The following ANO6 variants were observed in gnomAD, a reference collection of about 807,000 sequenced individuals.
ANO6 encodes the protein anoctamin-6.
Under a neutral mutation model 117.5 loss-of-function variants are expected in ANO6, and 106 were observed. The observed-to-expected ratio is 0.90, with a 90% confidence interval of 0.77 to 1.06. The LOEUF is 1.06. Ranked by LOEUF, ANO6 falls within the 50% of genes least tolerant of loss-of-function variation. The pLI is 0.00. For synonymous variants in ANO6, 367 were observed against 385.1 expected (o/e 0.95, Z 0.55); for missense variants, 955 against 1,121.1 (o/e 0.85, Z 2.12).
At chr12:45,439,764 T>C in exon 20 of ANO6, 3 of 1,550,902 alleles carry the variant, frequency 1.9e-6, no homozygotes, top group Non-Finnish European at 2.6e-6. Context: ...GTATGTGTTA[T>C]AGGTTTGTCG....
At chr12:45,434,017 A>C (rs1156270928), downstream of ANO6, among the ~76,000 whole-genome samples, 1 of 152,218 alleles carries the variant, frequency 6.6e-6, no homozygotes, top group Non-Finnish European at 1.5e-5. Flanking sequence ...ACAGTTCAGC[A>C]CATGGGATCC....
At chr12:45,350,600 A>G in intron 6 of ANO6, 59 bp from the exon 7 acceptor site, 5 of 1,319,414 alleles carry the variant, frequency 3.8e-6, no homozygotes, top group South Asian at 1.2e-5. Context: ...CACATTTAAG[A>G]AGCAGATTTG....
intron 1 of ANO6, among the ~76,000 whole-genome samples, chr12:45,268,031 G>C (rs561967425): frequency 3.4e-4 from 52 of 152,268 alleles, no homozygotes; most frequent in African/African-American, 1.2e-3. Flanking sequence ...AAAAAGGCCA[G>C]GTGCATTTTT....
At chr12:45,439,665 T>G in intron 19 of ANO6, 1 of 1,315,226 alleles carries the variant, frequency 7.6e-7, no homozygotes, top group Non-Finnish European at 9.7e-7. Context: ...TTTTTTTTTT[T>G]TTGAGACAGT....
intron 1 of ANO6, among the ~76,000 whole-genome samples, chr12:45,248,428 CT>C (rs35185612): frequency 0.013 from 1,562 of 120,830 alleles, 16 homozygotes; most frequent in African/African-American, 0.035. Context: ...AAAAAGTAGA[CT>C]TTTTTTTTTT....
chr12:45,286,911 C>A (rs1330601391), intron 1 of ANO6, among the ~76,000 whole-genome samples: 4 of 152,078 alleles, frequency 2.6e-5, no homozygotes, highest in Non-Finnish European at 5.9e-5. Flanking sequence ...AGTGGTAGGT[C>A]TGGGATTTGC....
rs951732957 is a variant in ANO6, at chr12:45,320,555, G to T, written c.151-10740G>T. On this transcript the variant is annotated intron_variant, in intron 2 of 19. Transcript: ENST00000320560. ...TACTTCCAACTACGTGGTCAGTTTT[G>T]GAATAGGTGCGGTGTGGTGCTGAGA... Among the ~76,000 whole-genome samples, 3 of 152,070 alleles carry T rather than the reference G, an allele frequency of 2.0e-5. No homozygotes were observed. In the East Asian group the frequency reaches 5.8e-4, roughly 29 times the overall value.
At chr12:45,353,911 A>T (rs1282863322) in intron 7 of ANO6, among the ~76,000 whole-genome samples, 1 of 143,154 alleles carries the variant, frequency 7.0e-6, no homozygotes, top group African/African-American at 3.0e-5. Context: ...ACGCATTAGA[A>T]AAATGAAGTT....
chr12:45,321,475 CAT>C (rs1451716355), intron 2 of ANO6, among the ~76,000 whole-genome samples: 12 of 152,070 alleles, frequency 7.9e-5, no homozygotes, highest in East Asian at 3.9e-4. Flanking sequence ...AAAAAAATCA[CAT>C]GTGTTAACAT....
At chr12:45,225,564 C>A (rs1947469521) in intron 1 of ANO6, among the ~76,000 whole-genome samples, 1 of 151,934 alleles carries the variant, frequency 6.6e-6, no homozygotes, top group Non-Finnish European at 1.5e-5. Context: ...TCTGGGCTCA[C>A]TGCAAGCTCC....
intron 1 of ANO6, among the ~76,000 whole-genome samples, chr12:45,230,441 A>G (rs1052845598): frequency 1.3e-5 from 2 of 148,968 alleles, no homozygotes; most frequent in Non-Finnish European, 3.0e-5. Flanking sequence ...AATATTTAAC[A>G]TATATAAAAT....
chr12:45,326,322 CCATTTACTTATATAAAACA>C (rs1331474860), intron 2 of ANO6, among the ~76,000 whole-genome samples: 5 of 152,110 alleles, frequency 3.3e-5, no homozygotes, highest in African/African-American at 1.2e-4. Flanking sequence ...CTAGTTATAG[CCATTTACTTATATAAAACA>C]CAAGACTGTT....
Position 45,216,235 on chromosome 12 carries a change from G to A in ANO6, c.-87G>A. ...AAGCGACACACGCCCCGCGGTCCCCGATCCGGCCCCTGGGAGAGCCGCGCC... is the reference window on the plus strand; with the variant it reads ...AAGCGACACACGCCCCGCGGTCCCCAATCCGGCCCCTGGGAGAGCCGCGCC... On this transcript the variant is annotated 5_prime_UTR_variant, in exon 1 of 20. Transcript: ENST00000320560. 1 of 1,471,090 alleles carries A rather than the reference G, an allele frequency of 6.8e-7. No homozygotes were observed. Among genetic ancestry groups the A allele is most frequent in the Non-Finnish European group, 9.3e-7 (1 of 1,076,376 alleles). 91.1% of individuals were successfully genotyped at this position (1,471,090 alleles called of 1,614,324 possible). A position where few individuals can be genotyped will look rare whatever the true frequency, so the allele number is the denominator to read the frequency against.
chr12:45,356,474 A>G (rs1565715044), intron 7 of ANO6, among the ~76,000 whole-genome samples: 1 of 152,240 alleles, frequency 6.6e-6, no homozygotes, highest in Non-Finnish European at 1.5e-5. Flanking sequence ...TGGAAGTCTT[A>G]CCAATAACAT....
intron 7 of ANO6, among the ~76,000 whole-genome samples, chr12:45,357,061 C>T (rs886698332): frequency 6.6e-6 from 1 of 152,182 alleles, no homozygotes; most frequent in Non-Finnish European, 1.5e-5. Context: ...TTTTAATGTA[C>T]TTTCACCAGG....
At chr12:45,250,155 T>C (rs188379014) in intron 1 of ANO6, among the ~76,000 whole-genome samples, 1 of 152,194 alleles carries the variant, frequency 6.6e-6, no homozygotes, top group Non-Finnish European at 1.5e-5. Flanking sequence ...AAACAATGAC[T>C]GTATAAGTAC....
At chr12:45,355,702 T>A (rs1941393706) in intron 7 of ANO6, among the ~76,000 whole-genome samples, 1 of 152,192 alleles carries the variant, frequency 6.6e-6, no homozygotes, top group African/African-American at 2.4e-5. Context: ...ATCTCCCGAT[T>A]CCACCCTCAG....
chr12:45,321,703 TGTCA>T (rs1477784343), intron 2 of ANO6, among the ~76,000 whole-genome samples: 1 of 152,128 alleles, frequency 6.6e-6, no homozygotes, highest in Non-Finnish European at 1.5e-5. Flanking sequence ...CCAAGTTTTG[TGTCA>T]GTCATCTGTC....
At chr12:45,432,415 A>G (rs1943655810), downstream of ANO6, 1 of 570,092 alleles carries the variant, frequency 1.8e-6, no homozygotes, top group Admixed American at 6.4e-5. Context: ...GCTATTTACT[A>G]GTGGCCAGTT....
Sources: gnomAD v4.1 joint callset for allele counts (sites outside exome capture counted in the v4.1 genomes callset) on GRCh38, gnomAD v4.1.1 for gene constraint, MANE v1.5 for transcripts, NCBI Gene and HGNC (gene_info 2026-07-23, HGNC 2026-07-21) for gene names.